The following NUP37 variants were observed in gnomAD, a reference collection of about 807,000 sequenced individuals.
NUP37 encodes the protein nucleoporin Nup37.
In NUP37, 33 loss-of-function variants were observed where a neutral mutation model predicts 45.4. The observed-to-expected ratio is 0.73, with a 90% CI of 0.55 to 0.97. The LOEUF (loss-of-function observed/expected upper bound fraction) is 0.97, where lower values mean the gene tolerates loss of function less well. Ranked by LOEUF, NUP37 falls within the 50% of genes least tolerant of loss-of-function variation. NUP37 has a pLI of 0.00. For synonymous variants in NUP37, 127 were observed against 130.7 expected (o/e 0.97, Z 0.19); for missense variants, 365 against 389.7 (o/e 0.94, Z 0.53).
chr12:102,076,002 A>G (rs1356418463), intron 8 of NUP37, among the ~76,000 whole-genome samples: 1 of 152,104 alleles, frequency 6.6e-6, no homozygotes, highest in African/African-American at 2.4e-5. Context: ...TAGCAGAGGG[A>G]AAGGATGAAA....
chr12:102,117,062 A>G (rs1880484974), intron 2 of NUP37, among the ~76,000 whole-genome samples: 1 of 152,230 alleles, frequency 6.6e-6, no homozygotes, highest in African/African-American at 2.4e-5. Flanking sequence ...AACATTTATA[A>G]TAACTATCAC....
chr12:102,101,883 C>T (rs1003093359), intron 3 of NUP37, among the ~76,000 whole-genome samples: 1 of 152,048 alleles, frequency 6.6e-6, no homozygotes, highest in African/African-American at 2.4e-5. Context: ...CACCACCACA[C>T]GTGGCTAATT....
chr12:102,078,326 TTAA>T (rs1879238886), intron 6 of NUP37, among the ~76,000 whole-genome samples: 1 of 84,020 alleles, frequency 1.2e-5, no homozygotes, highest in Admixed American at 1.2e-4. Context: ...AATTCCTTCT[TTAA>T]AAAAAAAAAA....
chr12:102,100,809 TAA>T (rs1334974101), intron 4 of NUP37, among the ~76,000 whole-genome samples: 1 of 152,182 alleles, frequency 6.6e-6, no homozygotes, highest in South Asian at 2.1e-4. Context: ...TTCAATTTAA[TAA>T]GAGATATCAG....
At chr12:102,086,071 G>A (rs535984583) in intron 5 of NUP37, among the ~76,000 whole-genome samples, 1 of 152,224 alleles carries the variant, frequency 6.6e-6, no homozygotes, top group East Asian at 1.9e-4. Flanking sequence ...ATGGACAAAA[G>A]AGTCACACAC....
At chr12:102,108,060 T>G (rs1002936790) in intron 3 of NUP37, among the ~76,000 whole-genome samples, 13 of 152,168 alleles carry the variant, frequency 8.5e-5, no homozygotes, top group Non-Finnish European at 2.9e-5. Context: ...AAGTGTCAAC[T>G]TGCTTGGATT....
At chr12:102,077,672 G>T (rs866083548) in intron 6 of NUP37, among the ~76,000 whole-genome samples, 169 bp from the exon 7 acceptor site, 2 of 152,158 alleles carry the variant, frequency 1.3e-5, no homozygotes, top group African/African-American at 4.8e-5. Flanking sequence ...AACTTTTTGA[G>T]TGCTAACATG....
chr12:102,099,413 T>C (rs778059008), intron 4 of NUP37, among the ~76,000 whole-genome samples: 5 of 152,108 alleles, frequency 3.3e-5, no homozygotes, highest in Admixed American at 6.6e-5. Flanking sequence ...TTCAACACAC[T>C]ATTAGCTTAG....
intron 4 of NUP37, among the ~76,000 whole-genome samples, chr12:102,100,248 C>A (rs958037570): frequency 1.3e-5 from 2 of 152,098 alleles, no homozygotes; most frequent in Admixed American, 1.3e-4. Context: ...AAATAGCTTA[C>A]AGCATAATTT....
At chr12:102,088,969 C>T (rs1021721636) in intron 5 of NUP37, among the ~76,000 whole-genome samples, 1 of 152,198 alleles carries the variant, frequency 6.6e-6, no homozygotes, top group African/African-American at 2.4e-5. Context: ...TTGCACCACC[C>T]TTAATCCATT....
chr12:102,094,202 C>A (rs1376684189), intron 5 of NUP37, among the ~76,000 whole-genome samples: 1 of 152,050 alleles, frequency 6.6e-6, no homozygotes, highest in Non-Finnish European at 1.5e-5. Flanking sequence ...ACCCCATTCT[C>A]AAGGCTCTTG....
intron 8 of NUP37, among the ~76,000 whole-genome samples, chr12:102,075,577 T>G (rs1056672266): frequency 6.6e-6 from 1 of 152,210 alleles, no homozygotes; most frequent in East Asian, 1.9e-4. Context: ...CAGGAAAATA[T>G]TCCATAAATA....
intron 2 of NUP37, among the ~76,000 whole-genome samples, chr12:102,117,996 C>T (rs1880512048): frequency 6.6e-6 from 1 of 152,116 alleles, no homozygotes. Context: ...TTTTTGGGCT[C>T]TCAACATTAG....
At chr12:102,099,049 A>C in intron 5 of NUP37, 57 bp downstream of exon 5, 1 of 1,142,656 alleles carries the variant, frequency 8.8e-7, no homozygotes, top group Non-Finnish European at 1.3e-6. Context: ...CATTTTAAAA[A>C]TGTAATTCTC....
At chr12:102,111,648 C>A (rs1314955291) in intron 3 of NUP37, among the ~76,000 whole-genome samples, 1 of 152,156 alleles carries the variant, frequency 6.6e-6, no homozygotes, top group Non-Finnish European at 1.5e-5. Flanking sequence ...TCTCAGAAAA[C>A]CATCATTCCT....
chr12:102,099,257 T>C, intron 4 of NUP37, 57 bp from the exon 5 acceptor site: 2 of 1,184,356 alleles, frequency 1.7e-6, no homozygotes, highest in Non-Finnish European at 2.5e-6. Flanking sequence ...ACCTACAATA[T>C]TCCTACATAA....
At position 102,112,136 on chromosome 12, in the gene NUP37, T is replaced by C. The variant is rs191039031; in HGVS notation, c.253A>G (p.Arg85Gly). The C allele has an allele frequency of 1.2e-4, 200 of 1,613,922 alleles. 1 individual carries two copies. The East Asian group carries it at 3.8e-3, about 31-fold the overall frequency. The change falls in exon 3 of 10, where the codon AGA becomes GGA. Residue 85 changes from arginine to glycine, a missense_variant. Coordinates refer to ENST00000552283, the MANE Select transcript of NUP37 (RefSeq NM_024057.4). ...VDGIAWSPET[R>G]LDSLPPVIKF... The stretch of plus-strand genomic sequence containing the variant: ...ATTACTGGAGGCAATGAATCAAGTC[T>C]AGTCTCTGGGCTCCAAGCTATGCCA...
intron 6 of NUP37, among the ~76,000 whole-genome samples, chr12:102,084,157 C>T (rs531721460): frequency 6.6e-6 from 1 of 152,316 alleles, no homozygotes; most frequent in African/African-American, 2.4e-5. Flanking sequence ...TTTAATTTCT[C>T]TGCGCCTTGG....
rs1177051088 is a variant in NUP37 at position 102,074,208 on chromosome 12, CATTTT to C, written c.*141_*145del. The C allele has an allele frequency of 1.0e-4, 49 of 473,038 alleles. No individual in the cohort carries two copies. The highest frequency in any genetic ancestry group is 6.3e-5 in the Non-Finnish European group (17 of 269,436). 29.3% of individuals were successfully genotyped at this position (473,038 alleles called of 1,614,324 possible). ...GAAAAATAATTTTTCAAACCATCAA[CATTTT>C]ATTTAATAAAAGCAACTGAGACATT... is the stretch of plus-strand genomic sequence containing the variant. On this transcript the variant is annotated 3_prime_UTR_variant, in exon 10 of 10. Transcript: ENST00000552283.
Sources: allele counts gnomAD v4.1 joint callset (sites outside exome capture counted in the v4.1 genomes callset), GRCh38; gene constraint gnomAD v4.1.1; transcripts MANE v1.5; gene names NCBI Gene and HGNC (gene_info 2026-07-23, HGNC 2026-07-21).